The following SERPINB13 variants were observed in gnomAD, a reference collection of about 807,000 sequenced individuals.
SERPINB13 encodes the protein serpin B13.
A neutral mutation model predicts 31.2 loss-of-function variants in SERPINB13; 26 were observed. The ratio of observed to expected loss-of-function variants is 0.83; its 90% CI spans 0.61 to 1.15. The LOEUF is 1.15. SERPINB13 is among the 50% of genes most tolerant of loss of function. The pLI is 0.00. For missense variants in SERPINB13, 510 were observed against 469.4 expected (o/e 1.09, Z -0.80); for synonymous variants, 191 against 172.4 (o/e 1.11, Z -0.85).
At chr18:63,590,803 G>T (rs1301810982) in intron 3 of SERPINB13, among the ~76,000 whole-genome samples, 1 of 152,148 alleles carries the variant, frequency 6.6e-6, no homozygotes, top group African/African-American at 2.4e-5. Context: ...GAATTTTCCT[G>T]GGAGCCACAG....
chr18:63,595,637 C>T (rs3901513), intron 7 of SERPINB13, among the ~76,000 whole-genome samples: 3 of 152,120 alleles, frequency 2.0e-5, no homozygotes, highest in Non-Finnish European at 4.4e-5. Flanking sequence ...TGGTGGCTCA[C>T]GCCTGTAATC....
At chr18:63,590,264 A>G (rs1391530749) in intron 3 of SERPINB13, among the ~76,000 whole-genome samples, 1 of 152,308 alleles carries the variant, frequency 6.6e-6, no homozygotes, top group African/African-American at 2.4e-5. Flanking sequence ...GGTCTTTTCC[A>G]GCTCCAGTGT....
intron 2 of SERPINB13, 141 bp from the exon 3 acceptor site, chr18:63,589,515 C>CT: frequency 9.6e-7 from 1 of 1,039,118 alleles, no homozygotes; most frequent in Non-Finnish European, 1.4e-6. Context: ...AAACGCAGAC[C>CT]TTTTTCTGAT....
intron 7 of SERPINB13, among the ~76,000 whole-genome samples, chr18:63,595,869 G>T (rs927409107): frequency 2.6e-5 from 4 of 151,624 alleles, no homozygotes; most frequent in Non-Finnish European, 5.9e-5. Flanking sequence ...ACTGCACTCC[G>T]CCTGGGTGAC....
At chr18:63,591,052 C>A (rs1390995782) in intron 3 of SERPINB13, among the ~76,000 whole-genome samples, 1 of 152,044 alleles carries the variant, frequency 6.6e-6, no homozygotes. Context: ...CACTTTAACC[C>A]CTCCTTTAAG....
At chr18:63,596,457 A>G (rs1198821518) in intron 7 of SERPINB13, among the ~76,000 whole-genome samples, 1 of 152,246 alleles carries the variant, frequency 6.6e-6, no homozygotes, top group East Asian at 1.9e-4. Context: ...GTAACTATCA[A>G]ATCTATCACA....
Position 63,594,512 on chromosome 18 carries a change from T to C in SERPINB13, c.615+15T>C. 1 of 1,612,198 alleles carries C rather than the reference T, an allele frequency of 6.2e-7. No individual in the cohort carries two copies. ...GGATGAATAAGGTATGGCCCTTAGT[T>C]TATTTTCGTGATGTGCTTACACATG... On this transcript the variant is annotated intron_variant, in intron 6 of 7. Coordinates refer to ENST00000344731, the MANE Select transcript of SERPINB13 (RefSeq NM_012397.4).
rs567598575 is a variant in SERPINB13 at position 63,592,925 on chromosome 18, T to C, written c.426T>C (p.Asp142=). 9 of 1,613,602 alleles carry C rather than the reference T, an allele frequency of 5.6e-6. No homozygotes were observed. In the Admixed American group the frequency reaches 1.2e-4, roughly 21 times the overall value. ...CTGTTGATTTTGTAAATGCAGCCGA[T>C]GAAAGTCGAAAGAAGATTAATTCCT... The part of the protein sequence containing the change: ...LEPVDFVNAA[D]ESRKKINSWV... Residue 142 remains aspartate, a synonymous_variant, in exon 5 of 8, where the codon GAT becomes GAC. Transcript: ENST00000344731.
intron 7 of SERPINB13, 110 bp from the exon 8 acceptor site, chr18:63,596,849 C>G (rs973534097): frequency 1.1e-6 from 1 of 876,778 alleles, no homozygotes; most frequent in Non-Finnish European, 1.7e-6. Context: ...AAAATTTCTA[C>G]TTTTAATATT....
intron 1 of SERPINB13, among the ~76,000 whole-genome samples, chr18:63,587,682 C>G (rs991267208): frequency 6.6e-6 from 1 of 152,208 alleles, no homozygotes; most frequent in Admixed American, 6.5e-5. Flanking sequence ...GAAATGAAAG[C>G]TTTGATATCA....
rs375370419 is a variant in SERPINB13 at position 63,588,656 on chromosome 18, G to C, written c.-12G>C. ...TGTTGTTCTTGCTATTCTAGGTCTCGCTAAAATCATCATGGATTCACTTGG... is the reference window on the plus strand; with the variant it reads ...TGTTGTTCTTGCTATTCTAGGTCTCCCTAAAATCATCATGGATTCACTTGG... On this transcript the variant is annotated 5_prime_UTR_variant, in exon 2 of 8. Transcript: ENST00000344731. The C allele has an allele frequency of 6.1e-5, 98 of 1,613,798 alleles. No homozygotes were observed. The highest frequency in any genetic ancestry group is 7.4e-5 in the Non-Finnish European group (87 of 1,179,882).
chr18:63,596,360 C>T (rs1050121365), intron 7 of SERPINB13, among the ~76,000 whole-genome samples: 2 of 152,166 alleles, frequency 1.3e-5, no homozygotes, highest in Non-Finnish European at 2.9e-5. Context: ...AAAAAGTTGC[C>T]TTTCTGAGTA....
chr18:63,595,932 A>G (rs1218256185), intron 7 of SERPINB13, among the ~76,000 whole-genome samples: 1 of 150,652 alleles, frequency 6.6e-6, no homozygotes, highest in Non-Finnish European at 1.5e-5. Flanking sequence ...ATAAATAAAT[A>G]AATAAATAAA....
intron 7 of SERPINB13, 76 bp from the exon 8 acceptor site, chr18:63,596,883 G>GAC (rs1912199690): frequency 8.3e-7 from 1 of 1,201,226 alleles, no homozygotes; most frequent in African/African-American, 1.5e-5. Flanking sequence ...ACTTCTGACT[G>GAC]ACACAAATCA....
intron 2 of SERPINB13, among the ~76,000 whole-genome samples, 182 bp downstream of exon 2, chr18:63,589,014 T>C (rs761109486): frequency 2.6e-5 from 4 of 152,112 alleles, no homozygotes; most frequent in Non-Finnish European, 5.9e-5. Context: ...CTTTTCCAAA[T>C]ACCATCTCGC....
intron 1 of SERPINB13, 86 bp from the exon 2 acceptor site, chr18:63,588,565 C>T (rs569523047): frequency 2.9e-6 from 4 of 1,364,006 alleles, no homozygotes; most frequent in East Asian, 4.7e-5. Context: ...CGGATCGATG[C>T]AAGAAGAGGA....
intron 5 of SERPINB13, 197 bp from the exon 6 acceptor site, chr18:63,594,158 A>C: frequency 2.7e-6 from 4 of 1,489,462 alleles, no homozygotes; most frequent in Non-Finnish European, 3.6e-6. Flanking sequence ...TAATTTATCC[A>C]CTGGGATAAA....
rs1357841562 is a variant in SERPINB13 at position 63,592,247 on chromosome 18, G to A, written c.226-101G>A. Reference sequence around the variant, plus strand: ...AAACACAGGGATCACCCTTGAGGCTGACAAACGGAGGGAGAGACCCAGCAG... The same window carrying A: ...AAACACAGGGATCACCCTTGAGGCTAACAAACGGAGGGAGAGACCCAGCAG... On this transcript the variant is annotated intron_variant, in intron 3 of 7. Transcript: ENST00000344731. The A allele has an allele frequency of 2.9e-6, 4 of 1,368,032 alleles. No homozygotes were observed. In the African/African-American group the frequency reaches 4.4e-5, roughly 15 times the overall value. 84.7% of individuals were successfully genotyped at this position (1,368,032 alleles called of 1,614,324 possible). A position where few individuals can be genotyped will look rare whatever the true frequency, so the allele number is the denominator to read the frequency against.
At chr18:63,596,077 G>A (rs143188129) in intron 7 of SERPINB13, among the ~76,000 whole-genome samples, 18 of 152,170 alleles carry the variant, frequency 1.2e-4, no homozygotes, top group African/African-American at 4.3e-4. Context: ...CATCTCTGAA[G>A]AGGGCTCCAT....
Sources: allele counts gnomAD v4.1 joint callset (sites outside exome capture counted in the v4.1 genomes callset), GRCh38; gene constraint gnomAD v4.1.1; transcripts MANE v1.5; gene names NCBI Gene and HGNC (gene_info 2026-07-23, HGNC 2026-07-21).